PDE8B: variants seen among roughly 807,000 people sequenced by gnomAD.
The protein encoded by PDE8B is high affinity cAMP-specific and IBMX-insensitive 3',5'-cyclic phosphodiesterase 8B.
PDE8B carries 26 observed loss-of-function variants against 101.3 expected under a neutral mutation model. The observed-to-expected ratio is 0.26, with a 90% CI of 0.19 to 0.36. The LOEUF is 0.36. Ranked by LOEUF, PDE8B falls within the 10% of genes least tolerant of loss-of-function variation. The pLI is 1.00. For missense variants in PDE8B, 810 were observed against 1,163.1 expected, an observed-to-expected ratio of 0.70 and a Z score of 4.42; for synonymous variants, 424 against 429.3, an observed-to-expected ratio of 0.99 and a Z score of 0.15.
chr5:77,220,110 T>C (rs1244083928), intron 1 of PDE8B, among the ~76,000 whole-genome samples: 1 of 152,138 alleles, frequency 6.6e-6, no homozygotes, highest in East Asian at 1.9e-4. Flanking sequence ...TCAGGACCCC[T>C]CCTCACCCAG....
At chr5:77,366,693 A>C (rs4704416) in intron 10 of PDE8B, among the ~76,000 whole-genome samples, 37,845 of 152,018 alleles carry the variant, frequency 0.25, 5,313 homozygotes, top group East Asian at 0.45. Flanking sequence ...AGCGGGGCCT[A>C]TGTATGTTCT....
At chr5:77,370,519 T>G (rs1784903475) in intron 10 of PDE8B, among the ~76,000 whole-genome samples, 1 of 152,238 alleles carries the variant, frequency 6.6e-6, no homozygotes, top group African/African-American at 2.4e-5. Flanking sequence ...AGCACTGTTC[T>G]ATTGCATGGA....
the PDE8B span, among the ~76,000 whole-genome samples, chr5:77,106,726 A>C: frequency 1.3e-5 from 2 of 152,168 alleles, no homozygotes; most frequent in Non-Finnish European, 2.9e-5. Flanking sequence ...CTTCAGATCC[A>C]TGAATATGAT....
the PDE8B span, among the ~76,000 whole-genome samples, chr5:77,193,632 T>G: frequency 6.6e-6 from 1 of 152,196 alleles, no homozygotes; most frequent in East Asian, 1.9e-4. Flanking sequence ...TTTTTCAAAA[T>G]TCATTTGATT....
intron 10 of PDE8B, among the ~76,000 whole-genome samples, chr5:77,382,633 C>G (rs1244678591): frequency 6.6e-6 from 1 of 151,556 alleles, no homozygotes; most frequent in Non-Finnish European, 1.5e-5. Context: ...GTTCCCCTCA[C>G]TGTGTCCATG....
intron 2 of PDE8B, among the ~76,000 whole-genome samples, chr5:77,321,004 T>C (rs1774927901): frequency 6.9e-6 from 1 of 145,674 alleles, no homozygotes; most frequent in South Asian, 2.2e-4. Context: ...ATAAGAAATG[T>C]ATTAGAAGGA....
the PDE8B span, chr5:77,151,103 T>G: frequency 6.6e-6 from 1 of 152,308 alleles, no homozygotes; most frequent in East Asian, 1.9e-4. Flanking sequence ...CTTCATGTCC[T>G]AGCCTCCTTT....
At chr5:77,242,955 T>A (rs1225011353) in intron 1 of PDE8B, among the ~76,000 whole-genome samples, 1 of 152,162 alleles carries the variant, frequency 6.6e-6, no homozygotes, top group African/African-American at 2.4e-5. Context: ...TGTGAGCCAC[T>A]GCGCCCGGCC....
intron 1 of PDE8B, among the ~76,000 whole-genome samples, chr5:77,241,696 C>G (rs969443430): frequency 6.6e-6 from 1 of 152,226 alleles, no homozygotes; most frequent in East Asian, 1.9e-4. Context: ...CTCCCTCTCT[C>G]ATGAGATCAT....
At chr5:77,347,563 A>T (rs1316794409) in intron 7 of PDE8B, among the ~76,000 whole-genome samples, 1 of 152,246 alleles carries the variant, frequency 6.6e-6, no homozygotes, top group Non-Finnish European at 1.5e-5. Flanking sequence ...AATAGTTAAT[A>T]AACAGTCCTG....
intron 17 of PDE8B, among the ~76,000 whole-genome samples, chr5:77,416,449 G>A (rs951130396): frequency 1.4e-4 from 22 of 152,182 alleles, no homozygotes; most frequent in African/African-American, 4.8e-4. Flanking sequence ...CTTGGAGATC[G>A]CTGAACGTGC....
the PDE8B span, among the ~76,000 whole-genome samples, chr5:77,101,868 G>A: frequency 6.6e-6 from 1 of 152,056 alleles, no homozygotes; most frequent in Admixed American, 6.6e-5. Flanking sequence ...CTGCGGGGTG[G>A]GGGAGAGATG....
At chr5:77,390,710 C>T (rs1351022091) in intron 10 of PDE8B, among the ~76,000 whole-genome samples, 1 of 152,212 alleles carries the variant, frequency 6.6e-6, no homozygotes, top group African/African-American at 2.4e-5. Context: ...AGATGTCCCG[C>T]ACTAATGCAG....
intron 10 of PDE8B, among the ~76,000 whole-genome samples, chr5:77,369,187 A>G (rs936850171): frequency 3.1e-5 from 4 of 130,740 alleles, no homozygotes; most frequent in Non-Finnish European, 6.2e-5. Context: ...TATGCGACAG[A>G]GCGAGTCCAC....
At chr5:77,190,752 G>C in the PDE8B span, among the ~76,000 whole-genome samples, 2 of 152,176 alleles carry the variant, frequency 1.3e-5, no homozygotes, top group Non-Finnish European at 2.9e-5. Context: ...ACTGTTGGCC[G>C]AGGCCTTCCC....
chr5:77,234,698 C>T (rs953855103), intron 1 of PDE8B, among the ~76,000 whole-genome samples: 8 of 152,174 alleles, frequency 5.3e-5, no homozygotes, highest in African/African-American at 1.9e-4. Context: ...CCAGATTCTT[C>T]CCCAAGATTC....
At chr5:77,373,637 T>C (rs1425908556) in intron 10 of PDE8B, among the ~76,000 whole-genome samples, 1 of 152,232 alleles carries the variant, frequency 6.6e-6, no homozygotes, top group African/African-American at 2.4e-5. Context: ...ATACTAATTC[T>C]GAGATTCACC....
At chr5:77,155,899 A>G in the PDE8B span, among the ~76,000 whole-genome samples, 1 of 152,242 alleles carries the variant, frequency 6.6e-6, no homozygotes, top group Non-Finnish European at 1.5e-5. Flanking sequence ...ATTATTGTAT[A>G]GATATATTAT....
At chr5:77,325,783 G>A (rs970257061) in intron 3 of PDE8B, 54 bp downstream of exon 3, 15 of 1,200,414 alleles carry the variant, frequency 1.2e-5, no homozygotes, top group African/African-American at 1.2e-4. Flanking sequence ...ATCTTAAAAC[G>A]AATTTCATTT....
Sources: allele counts gnomAD v4.1 joint callset (sites outside exome capture counted in the v4.1 genomes callset), GRCh38; gene constraint gnomAD v4.1.1; transcripts MANE v1.5; gene names NCBI Gene and HGNC (gene_info 2026-07-23, HGNC 2026-07-21).